The following NALF1 variants were observed in gnomAD, a reference collection of about 807,000 sequenced individuals.
NALF1 encodes family with sequence similarity 155 member A.
Under a neutral mutation model 48.4 loss-of-function variants are expected in NALF1, and 3 were observed. The observed-to-expected ratio is 0.06, with a 90% CI of 0.03 to 0.16. The LOEUF (loss-of-function observed/expected upper bound fraction) is 0.16, where lower values mean the gene tolerates loss of function less well. NALF1 is among the 10% of genes least tolerant of loss of function. The pLI, the probability that NALF1 is intolerant of heterozygous loss-of-function variation, is 1.00. For missense variants in NALF1, 526 were observed against 571.5 expected, an observed-to-expected ratio of 0.92 and a Z score of 0.81; for synonymous variants, 262 against 245.7, an observed-to-expected ratio of 1.07 and a Z score of -0.62.
intron 1 of NALF1, among the ~76,000 whole-genome samples, chr13:107,469,813 A>G (rs1594080117): frequency 7.7e-6 from 1 of 129,938 alleles, no homozygotes; most frequent in South Asian, 2.4e-4. Context: ...GTGCGATCTC[A>G]GCTCACTGCA....
intron 1 of NALF1, among the ~76,000 whole-genome samples, chr13:107,508,905 T>C (rs1875790092): frequency 6.6e-6 from 1 of 152,044 alleles, no homozygotes; most frequent in African/African-American, 2.4e-5. Flanking sequence ...ATTTAAAACT[T>C]GGATTTAGGA....
chr13:107,734,233 A>G (rs1487587129), intron 1 of NALF1, among the ~76,000 whole-genome samples: 2 of 152,108 alleles, frequency 1.3e-5, no homozygotes, highest in South Asian at 2.1e-4. Flanking sequence ...ACCGTCTACG[A>G]TAATGAATCT....
intron 1 of NALF1, among the ~76,000 whole-genome samples, chr13:107,635,410 ACT>A (rs1370678106): frequency 6.6e-6 from 1 of 151,994 alleles, no homozygotes; most frequent in East Asian, 1.9e-4. Flanking sequence ...TTGAAAACTC[ACT>A]ATCATGAGAA....
At chr13:107,691,454 G>A (rs567504341) in intron 1 of NALF1, among the ~76,000 whole-genome samples, 2 of 152,304 alleles carry the variant, frequency 1.3e-5, no homozygotes, top group South Asian at 2.1e-4. Flanking sequence ...AGATTGTAAG[G>A]ATATGGCCCA....
chr13:107,816,643 T>C (rs1879172274), intron 1 of NALF1, among the ~76,000 whole-genome samples: 1 of 152,082 alleles, frequency 6.6e-6, no homozygotes, highest in South Asian at 2.1e-4. Context: ...AATAGGTGAA[T>C]TATATAACAG....
chr13:107,322,180 C>G (rs1463088752), intron 1 of NALF1, among the ~76,000 whole-genome samples: 1 of 152,158 alleles, frequency 6.6e-6, no homozygotes, highest in Non-Finnish European at 1.5e-5. Context: ...AATTCCTTAT[C>G]ACCTTCAAGT....
intron 1 of NALF1, among the ~76,000 whole-genome samples, chr13:107,287,699 TTTCTTTC>T (rs1881523762): frequency 9.8e-6 from 1 of 102,520 alleles, no homozygotes; most frequent in Non-Finnish European, 2.2e-5. Context: ...TTTCTTTTCT[TTTCTTTC>T]TTTTTTTTTT....
At chr13:107,799,847 T>C (rs1878547848) in intron 1 of NALF1, among the ~76,000 whole-genome samples, 3 of 151,932 alleles carry the variant, frequency 2.0e-5, no homozygotes, top group Admixed American at 2.0e-4. Context: ...GCAATAACAA[T>C]GACAAAAAAT....
At position 107,810,319 on chromosome 13, in the gene NALF1, C is replaced by T. The variant is rs9559164; in HGVS notation, c.915+55363G>A. The stretch of plus-strand genomic sequence containing the variant: ...TAATGATTCCTTAGCACTTTTCCTT[C>T]TCTGTCACTAACAATTTATCTCAGA... On this transcript the variant is annotated intron_variant, in intron 1 of 2. Transcript: ENST00000375915. Among the ~76,000 whole-genome samples the T allele has an allele frequency of 4.8e-3, 727 of 152,176 alleles. 27 individuals are homozygous for T. In the South Asian group the frequency reaches 0.062, roughly 13 times the overall value.
At chr13:107,321,578 T>C (rs1471851261) in intron 1 of NALF1, among the ~76,000 whole-genome samples, 2 of 152,132 alleles carry the variant, frequency 1.3e-5, no homozygotes, top group Admixed American at 1.3e-4. Context: ...GGCAGCCTAT[T>C]TTCAGATCTC....
intron 1 of NALF1, among the ~76,000 whole-genome samples, chr13:107,439,488 T>G (rs1325634698): frequency 6.6e-6 from 1 of 152,190 alleles, no homozygotes; most frequent in Admixed American, 6.5e-5. Context: ...AAGAATGACA[T>G]TTCCCAGCTA....
At chr13:107,503,661 C>T (rs2139080423) in intron 1 of NALF1, among the ~76,000 whole-genome samples, 1 of 151,846 alleles carries the variant, frequency 6.6e-6, no homozygotes, top group East Asian at 1.9e-4. Flanking sequence ...ATGTTCATTG[C>T]AGCATTATTT....
chr13:107,181,853 A>G (rs1350457020), intron 2 of NALF1, among the ~76,000 whole-genome samples: 1 of 152,124 alleles, frequency 6.6e-6, no homozygotes, highest in Non-Finnish European at 1.5e-5. Flanking sequence ...ATAAAGTGCA[A>G]TTATTGGTTT....
chr13:107,382,814 C>G (rs1269911288), intron 1 of NALF1, among the ~76,000 whole-genome samples: 1 of 152,180 alleles, frequency 6.6e-6, no homozygotes, highest in Admixed American at 6.5e-5. Flanking sequence ...CTTTTTTCCC[C>G]CTGAACTCTT....
chr13:107,360,132 A>G, intron 1 of NALF1, among the ~76,000 whole-genome samples: 1 of 152,192 alleles, frequency 6.6e-6, no homozygotes, highest in East Asian at 1.9e-4. Context: ...TGGCACTAAC[A>G]AAGAGAAAAT....
chr13:107,564,364 C>G (rs1039911082), intron 1 of NALF1, among the ~76,000 whole-genome samples: 1 of 152,176 alleles, frequency 6.6e-6, no homozygotes, highest in Admixed American at 6.5e-5. Flanking sequence ...GACAAAAGAG[C>G]AGCAGTTGCC....
chr13:107,532,120 G>T (rs1876657509), intron 1 of NALF1, among the ~76,000 whole-genome samples: 1 of 152,036 alleles, frequency 6.6e-6, no homozygotes, highest in East Asian at 1.9e-4. Flanking sequence ...CCTTTGATGT[G>T]CTAGGTTCTC....
chr13:107,673,871 C>T (rs766878816), intron 1 of NALF1, among the ~76,000 whole-genome samples: 11 of 152,046 alleles, frequency 7.2e-5, no homozygotes, highest in Non-Finnish European at 1.3e-4. Context: ...TCACAGAAGA[C>T]GTCATTCAGT....
chr13:107,864,478 C>T (rs1880656839), intron 1 of NALF1, among the ~76,000 whole-genome samples: 1 of 152,162 alleles, frequency 6.6e-6, no homozygotes, highest in Admixed American at 6.5e-5. Flanking sequence ...ACTTTATTTT[C>T]CCAGCAGAAC....
Sources: gnomAD v4.1 joint callset for allele counts (sites outside exome capture counted in the v4.1 genomes callset) on GRCh38, gnomAD v4.1.1 for gene constraint, MANE v1.5 for transcripts, NCBI Gene and HGNC (gene_info 2026-07-23, HGNC 2026-07-21) for gene names.